Variants in CRTAM observed in about 807,000 individuals in gnomAD.
CRTAM encodes cytotoxic and regulatory T-cell molecule.
Under a neutral mutation model 50.0 loss-of-function variants are expected in CRTAM, and 44 were observed. The ratio of observed to expected loss-of-function variants is 0.88; its 90% CI spans 0.69 to 1.13. The LOEUF is 1.13. Ranked by LOEUF, CRTAM falls within the 50% of genes most tolerant of loss-of-function variation. The probability of loss-of-function intolerance (pLI) is 0.00; values close to 1 mark genes in which losing one functional copy is unlikely to be tolerated. For synonymous variants in CRTAM, 159 were observed against 169.3 expected, an observed-to-expected ratio of 0.94 and a Z score of 0.47; for missense variants, 448 against 457.5, an observed-to-expected ratio of 0.98 and a Z score of 0.19.
intron 1 of CRTAM, among the ~76,000 whole-genome samples, chr11:122,843,617 C>T (rs1861825882): frequency 6.6e-6 from 1 of 152,124 alleles, no homozygotes; most frequent in African/African-American, 2.4e-5. Flanking sequence ...GTACATGTCT[C>T]TAGAGCCTAC....
At chr11:122,848,049 C>T (rs1348438373) in intron 1 of CRTAM, among the ~76,000 whole-genome samples, 1 of 152,208 alleles carries the variant, frequency 6.6e-6, no homozygotes, top group Admixed American at 6.5e-5. Context: ...TACACTGCAA[C>T]TGTGGGCTTT....
intron 1 of CRTAM, among the ~76,000 whole-genome samples, chr11:122,848,276 C>A (rs774042041): frequency 6.6e-6 from 1 of 152,178 alleles, no homozygotes; most frequent in South Asian, 2.1e-4. Flanking sequence ...CTTCTTAAAT[C>A]TTTATTATCA....
intron 1 of CRTAM, among the ~76,000 whole-genome samples, chr11:122,846,828 T>C (rs972850265): frequency 2.6e-5 from 4 of 152,208 alleles, no homozygotes; most frequent in African/African-American, 9.7e-5. Flanking sequence ...TGCTTCTTCC[T>C]TAATGTCTAC....
intron 6 of CRTAM, 121 bp from the exon 7 acceptor site, chr11:122,864,515 C>T: frequency 8.0e-6 from 5 of 621,296 alleles, no homozygotes; most frequent in Non-Finnish European, 1.4e-5. Flanking sequence ...CAAATGATCT[C>T]AGTACTGTTT....
At chr11:122,862,659 T>C in intron 6 of CRTAM, 115 bp downstream of exon 6, 2 of 664,038 alleles carry the variant, frequency 3.0e-6, no homozygotes, top group East Asian at 2.7e-5. Flanking sequence ...ACTAAGACCA[T>C]ACAGGCCCCT....
intron 9 of CRTAM, among the ~76,000 whole-genome samples, chr11:122,868,665 C>G (rs557655917): frequency 6.6e-6 from 1 of 152,252 alleles, no homozygotes; most frequent in East Asian, 1.9e-4. Context: ...ATTTCTTAAT[C>G]CACCCAACTT....
At chr11:122,850,293 G>A (rs1861915085) in intron 2 of CRTAM, 79 bp downstream of exon 2, 1 of 1,427,450 alleles carries the variant, frequency 7.0e-7, no homozygotes, top group Non-Finnish European at 9.4e-7. Context: ...TGGTGGGACA[G>A]AAAGCCTGCA....
At chr11:122,849,998 T>C in intron 1 of CRTAM, 70 bp from the exon 2 acceptor site, 2 of 1,404,134 alleles carry the variant, frequency 1.4e-6, no homozygotes, top group Admixed American at 2.3e-5. Flanking sequence ...ATTGAATGAA[T>C]GAACGAGACA....
chr11:122,868,656 T>G (rs1862214108), intron 9 of CRTAM, among the ~76,000 whole-genome samples: 1 of 152,170 alleles, frequency 6.6e-6, no homozygotes, highest in Admixed American at 6.5e-5. Flanking sequence ...ATTTGAGGTA[T>G]TTCTTAATCC....
At position 122,862,500 on chromosome 11, in the gene CRTAM, G is replaced by C. The variant is rs1291253525; in HGVS notation, c.689G>C (p.Arg230Thr). 1.2e-6 allele frequency: 2 copies of C among 1,613,434 alleles called. No homozygotes were observed. The highest frequency in any genetic ancestry group is 2.2e-5 in the East Asian group (1 of 44,880). The change falls in exon 6 of 10, where the codon AGA (arginine) becomes ACA (threonine). Residue 230 changes from arginine (R) to threonine (T), a missense_variant. Coordinates refer to ENST00000227348, the MANE Select transcript of CRTAM (RefSeq NM_019604.4). ...GAGACAGCTTCAGATGCTCTGGAGA[G>C]AAACTCTCTATCCTCTCAAGACCCA... is the stretch of plus-strand genomic sequence containing the variant. ...DEETASDALE[R>T]NSLSSQDPQQ...
chr11:122,854,213 T>G (rs1353652995), intron 4 of CRTAM, 127 bp downstream of exon 4: 1 of 885,096 alleles, frequency 1.1e-6, no homozygotes, highest in Non-Finnish European at 1.7e-6. Context: ...ATCAGCTCTT[T>G]TCCAGACAAG....
At chr11:122,847,692 A>G (rs1591349126) in intron 1 of CRTAM, among the ~76,000 whole-genome samples, 2 of 152,356 alleles carry the variant, frequency 1.3e-5, no homozygotes, top group Non-Finnish European at 1.5e-5. Flanking sequence ...CTGATGACAC[A>G]TAAGTCCCCT....
intron 1 of CRTAM, among the ~76,000 whole-genome samples, chr11:122,844,226 A>G (rs1318376950): frequency 6.6e-6 from 1 of 152,246 alleles, no homozygotes; most frequent in Non-Finnish European, 1.5e-5. Context: ...AAAATGTTGT[A>G]AGGGTTAAAT....
intron 5 of CRTAM, among the ~76,000 whole-genome samples, chr11:122,857,384 G>T (rs1003354971): frequency 1.3e-5 from 2 of 152,202 alleles, no homozygotes; most frequent in Non-Finnish European, 2.9e-5. Flanking sequence ...CACAAGAATC[G>T]CTTGAACCCG....
chr11:122,841,966 T>C (rs1861804379), intron 1 of CRTAM, among the ~76,000 whole-genome samples: 1 of 152,134 alleles, frequency 6.6e-6, no homozygotes, highest in Non-Finnish European at 1.5e-5. Context: ...GTAATTTGAG[T>C]TGAGCCTATA....
chr11:122,843,958 A>G (rs1367485607), intron 1 of CRTAM, among the ~76,000 whole-genome samples: 1 of 152,220 alleles, frequency 6.6e-6, no homozygotes, highest in Non-Finnish European at 1.5e-5. Context: ...TAAATCGAAC[A>G]TGGGGTCTAC....
intron 5 of CRTAM, 48 bp downstream of exon 5, chr11:122,855,904 T>C (rs1200803192): frequency 6.7e-7 from 1 of 1,489,160 alleles, no homozygotes; most frequent in East Asian, 2.3e-5. Context: ...TTTACTTTAA[T>C]ATTACACTAT....
In CRTAM at chr11:122,845,088, G is replaced by A. The variant is rs79070810; in HGVS notation, c.47-4980G>A. On this transcript the variant is annotated intron_variant, in intron 1 of 9. Coordinates refer to ENST00000227348, the MANE Select transcript of CRTAM (RefSeq NM_019604.4). ...CAGGATCTGACCTCCGTTGTGTGAAGGGCAGATTGATGAGAAGAACCCGGA... is the reference window on the plus strand; with the variant it reads ...CAGGATCTGACCTCCGTTGTGTGAAAGGCAGATTGATGAGAAGAACCCGGA... 7.7e-4 allele frequency among the ~76,000 whole-genome samples: 118 copies of A among 152,272 alleles called. 2 individuals carry two copies. In the East Asian group the frequency reaches 0.017, roughly 22 times the overall value.
At chr11:122,851,558 T>C (rs899280658) in intron 2 of CRTAM, 135 bp from the exon 3 acceptor site, 4 of 778,928 alleles carry the variant, frequency 5.1e-6, no homozygotes, top group Non-Finnish European at 8.5e-6. Context: ...CCCGTGGAGA[T>C]AGGACAATGT....
Sources: allele counts gnomAD v4.1 joint callset (sites outside exome capture counted in the v4.1 genomes callset), GRCh38; gene constraint gnomAD v4.1.1; transcripts MANE v1.5; gene names NCBI Gene and HGNC (gene_info 2026-07-23, HGNC 2026-07-21).